LRP6: variants seen among roughly 807,000 people sequenced by gnomAD.
The protein encoded by LRP6 is low-density lipoprotein receptor-related protein 6.
LRP6 carries 43 observed loss-of-function variants against 184.1 expected under a neutral mutation model. The observed-to-expected ratio is 0.23, with a 90% confidence interval of 0.18 to 0.30. LRP6 has a LOEUF of 0.30. LRP6 is among the 10% of genes least tolerant of loss of function. The pLI, the probability that LRP6 is intolerant of heterozygous loss-of-function variation, is 1.00. For synonymous variants in LRP6, 719 were observed against 684.9 expected, an observed-to-expected ratio of 1.05 and a Z score of -0.78; for missense variants, 1,571 against 2,005.3, an observed-to-expected ratio of 0.78 and a Z score of 4.14.
At chr12:12,124,492 G>T in intron 22 of LRP6, 73 bp downstream of exon 22, 2 of 1,022,396 alleles carry the variant, frequency 2.0e-6, no homozygotes, top group South Asian at 1.3e-5. Context: ...ACTCATTTGG[G>T]GCTATATCAG....
chr12:12,195,961 C>T (rs1390561693), intron 3 of LRP6, among the ~76,000 whole-genome samples: 3 of 152,002 alleles, frequency 2.0e-5, no homozygotes, highest in Non-Finnish European at 4.4e-5. Context: ...TTTCCCCAAT[C>T]TATGTTCTTG....
chr12:12,182,308 G>T (rs1192056284), intron 5 of LRP6, among the ~76,000 whole-genome samples: 1 of 152,144 alleles, frequency 6.6e-6, no homozygotes, highest in East Asian at 1.9e-4. Flanking sequence ...AAAAAATAAA[G>T]ATTTTCAGAT....
At position 12,117,826 on chromosome 12, in the gene LRP6, G is replaced by T. The variant is rs1302451474; in HGVS notation, c.*3300C>A. 1 of 152,106 alleles carries T rather than the reference G, an allele frequency of 6.6e-6. No individual in the cohort carries two copies. Among genetic ancestry groups the T allele is most frequent in the African/African-American group, 2.4e-5 (1 of 41,412 alleles). The allele number at this position is 152,106 out of a possible 1,614,324, so 9.4% of individuals were successfully genotyped here. On this transcript the variant is annotated 3_prime_UTR_variant, in exon 23 of 23. Coordinates refer to ENST00000261349, the MANE Select transcript of LRP6 (RefSeq NM_002336.3). ...GGCTATTTTTAATACCTTCAATAAT[G>T]AATGAGTTTCCTTCATATAAATTAC... is the stretch of plus-strand genomic sequence containing the variant.
chr12:12,256,691 AGCTACTCAGGAG>A (rs1865473458), intron 1 of LRP6, among the ~76,000 whole-genome samples: 1 of 152,196 alleles, frequency 6.6e-6, no homozygotes. Context: ...CTGTAGTCCC[AGCTACTCAGGAG>A]GCTGAGGCAT....
Position 12,162,178 on chromosome 12 carries a change from T to C in LRP6, c.2279+15A>G, listed in dbSNP as rs373638128. On this transcript the variant is annotated intron_variant, in intron 10 of 22. Transcript: ENST00000261349. ...ACACTGCAGTTGCAAAGAATGCACA[T>C]GTAAAGCTGTTTACCCTTCGGCAGG... 1.2e-5 allele frequency: 19 copies of C among 1,606,388 alleles called. No individual in the cohort carries two copies. The highest frequency in any genetic ancestry group is 6.7e-5 in the East Asian group (3 of 44,844).
At chr12:12,126,581 C>CA (rs1374883648) in intron 20 of LRP6, 110 bp downstream of exon 20, 15 of 862,166 alleles carry the variant, frequency 1.7e-5, no homozygotes, top group Admixed American at 1.7e-4. Flanking sequence ...TGTTTAAACT[C>CA]AGAGTAATAT....
intron 1 of LRP6, among the ~76,000 whole-genome samples, chr12:12,264,955 C>T (rs1865719468): frequency 6.6e-6 from 1 of 152,120 alleles, no homozygotes; most frequent in Non-Finnish European, 1.5e-5. Context: ...CAATAATGAA[C>T]AAACCCAGCT....
At chr12:12,214,669 A>G (rs984707455) in intron 2 of LRP6, among the ~76,000 whole-genome samples, 3 of 152,224 alleles carry the variant, frequency 2.0e-5, no homozygotes, top group African/African-American at 7.2e-5. Flanking sequence ...ATCAGAGCCT[A>G]TTTCTGTAAG....
intron 12 of LRP6, among the ~76,000 whole-genome samples, chr12:12,154,545 T>C (rs1190771885): frequency 2.0e-5 from 3 of 152,178 alleles, no homozygotes; most frequent in Non-Finnish European, 4.4e-5. Flanking sequence ...AAACACTCAT[T>C]ACAATAATAT....
chr12:12,128,434 G>A (rs1949703038), intron 19 of LRP6, among the ~76,000 whole-genome samples: 1 of 152,108 alleles, frequency 6.6e-6, no homozygotes, highest in African/African-American at 2.4e-5. Flanking sequence ...TACTGTCACA[G>A]CTTTCATTAT....
chr12:12,231,377 A>C (rs1256022600), intron 2 of LRP6, among the ~76,000 whole-genome samples: 1 of 151,996 alleles, frequency 6.6e-6, no homozygotes, highest in Non-Finnish European at 1.5e-5. Context: ...ATGAAGTAGA[A>C]AGATCTGCCC....
chr12:12,149,043 G>A lies in LRP6; in HGVS notation c.3105C>T (p.Thr1035=), dbSNP rs768679803. Residue 1035 remains threonine, a synonymous_variant, in exon 14 of 23, where the codon ACC becomes ACT. Transcript: ENST00000261349. ...CTAATCTTGTCACATTAATGACATT[G>A]GTAGCCTCACAAGTCCAGTAGATGT... The part of the protein sequence containing the change: ...SRYIYWTCEA[T]NVINVTRLDG... The A allele has an allele frequency of 3.1e-6, 5 of 1,613,730 alleles. No individual in the cohort carries two copies. Among genetic ancestry groups the A allele is most frequent in the Non-Finnish European group, 4.2e-6 (5 of 1,179,832 alleles).
intron 2 of LRP6, among the ~76,000 whole-genome samples, chr12:12,210,010 G>A (rs1864166735): frequency 6.6e-6 from 1 of 152,108 alleles, no homozygotes; most frequent in Admixed American, 6.6e-5. Context: ...CCAGGAAGAG[G>A]ACATAGCATA....
chr12:12,201,306 A>C (rs1276006797), intron 3 of LRP6, among the ~76,000 whole-genome samples: 5 of 152,114 alleles, frequency 3.3e-5, no homozygotes, highest in Non-Finnish European at 7.4e-5. Flanking sequence ...TGGCAGGTTC[A>C]TTTCAGTAGT....
At position 12,151,033 on chromosome 12, in the gene LRP6, T is replaced by C; in HGVS notation, c.2797A>G (p.Thr933Ala). The C allele has an allele frequency of 6.2e-7, 1 of 1,613,776 alleles. No individual in the cohort carries two copies. Among genetic ancestry groups the C allele is most frequent in the Non-Finnish European group, 8.5e-7 (1 of 1,179,770 alleles). ...NADNRTCSAP[T>A]TFLLFSQKSA... ...TTTTGACTGAAGAGCAGGAAAGTCG[T>C]AGGAGCTTAAAAGGAAGAAAAGAGA... The change falls in exon 13 of 23, where the codon ACG becomes GCG. Residue 933 changes from threonine to alanine, a missense_variant. Coordinates refer to ENST00000261349, the MANE Select transcript of LRP6 (RefSeq NM_002336.3).
intron 1 of LRP6, chr12:12,249,415 G>GT (rs1193415639): frequency 8.6e-6 from 7 of 813,126 alleles, no homozygotes; most frequent in Non-Finnish European, 1.3e-5. Flanking sequence ...CTCAAGGACA[G>GT]TGTTACAGCA....
chr12:12,187,532 A>G (rs1863505428), intron 3 of LRP6: 2 of 242,660 alleles, frequency 8.2e-6, no homozygotes, highest in Non-Finnish European at 1.6e-5. Flanking sequence ...CACAGGGGTT[A>G]CAGTTGGCAC....
In LRP6 at chr12:12,170,293, C is replaced by T. The variant is rs543320389; in HGVS notation, c.1546-4998G>A. Among the ~76,000 whole-genome samples the T allele has an allele frequency of 3.9e-5, 6 of 152,274 alleles. No individual in the cohort carries two copies. In the South Asian group the frequency reaches 1.2e-3, roughly 32 times the overall value. ...GTTGCAGTGAGCTGACACCGCACCA[C>T]TGCACTTCAGTCTGGGTGAAAGAAT... On this transcript the variant is annotated intron_variant, in intron 7 of 22. Coordinates refer to ENST00000261349, the MANE Select transcript of LRP6 (RefSeq NM_002336.3).
At chr12:12,252,676 T>C (rs2135932710) in intron 1 of LRP6, among the ~76,000 whole-genome samples, 1 of 152,296 alleles carries the variant, frequency 6.6e-6, no homozygotes, top group East Asian at 1.9e-4. Context: ...TTGGTCATAA[T>C]TTGGCTTCTT....
Sources: allele counts gnomAD v4.1 joint callset (sites outside exome capture counted in the v4.1 genomes callset), GRCh38; gene constraint gnomAD v4.1.1; transcripts MANE v1.5; gene names NCBI Gene and HGNC (gene_info 2026-07-23, HGNC 2026-07-21).